Variants in THSD7B observed in about 807,000 individuals in gnomAD.
The protein encoded by THSD7B is thrombospondin type-1 domain-containing protein 7B.
Under a neutral mutation model 213.6 loss-of-function variants are expected in THSD7B, and 138 were observed. The observed-to-expected ratio is 0.65, with a 90% CI of 0.56 to 0.74. The LOEUF is 0.74. Ranked by LOEUF, THSD7B falls within the 30% of genes least tolerant of loss-of-function variation. The pLI, the probability that THSD7B is intolerant of heterozygous loss-of-function variation, is 0.00. For missense variants in THSD7B, 1,931 were observed against 1,991.5 expected (o/e 0.97, Z 0.58); for synonymous variants, 742 against 687.0 (o/e 1.08, Z -1.25).
At chr2:137,226,339 GT>G (rs961620601) in intron 7 of THSD7B, among the ~76,000 whole-genome samples, 1 of 150,996 alleles carries the variant, frequency 6.6e-6, no homozygotes, top group African/African-American at 2.4e-5. Flanking sequence ...GGTTGTCTAG[GT>G]TTTTTTTATT....
chr2:136,873,657 A>G (rs1558833957), intron 1 of THSD7B, among the ~76,000 whole-genome samples: 1 of 152,182 alleles, frequency 6.6e-6, no homozygotes, highest in Non-Finnish European at 1.5e-5. Flanking sequence ...ACTGTTCCTT[A>G]AATATTGCTG....
chr2:137,609,872 A>C (rs1682255936), intron 17 of THSD7B, among the ~76,000 whole-genome samples: 1 of 152,124 alleles, frequency 6.6e-6, no homozygotes, highest in South Asian at 2.1e-4. Flanking sequence ...GAGTGGCACA[A>C]ATGGTGAGAG....
chr2:137,348,128 G>T (rs918937485), intron 12 of THSD7B, among the ~76,000 whole-genome samples: 1 of 151,698 alleles, frequency 6.6e-6, no homozygotes, highest in Admixed American at 6.6e-5. Context: ...GCTCTAATGT[G>T]AAGAAAGATA....
intron 12 of THSD7B, among the ~76,000 whole-genome samples, chr2:137,277,961 T>G (rs546272194): frequency 1.3e-5 from 2 of 152,186 alleles, no homozygotes; most frequent in African/African-American, 4.8e-5. Flanking sequence ...CTTTTTCTTG[T>G]GGGAGCATGG....
At chr2:137,040,353 A>G (rs1040843869) in intron 2 of THSD7B, among the ~76,000 whole-genome samples, 6 of 151,228 alleles carry the variant, frequency 4.0e-5, no homozygotes, top group African/African-American at 9.7e-5. Context: ...AGAGGTAGCT[A>G]TATTTCTTTT....
chr2:137,172,861 C>T lies in THSD7B; in HGVS notation c.1723+1923C>T, dbSNP rs1481900031. 7.9e-5 allele frequency among the ~76,000 whole-genome samples: 12 copies of T among 152,046 alleles called. No individual in the cohort carries two copies. In the South Asian group the frequency reaches 2.3e-3, roughly 29 times the overall value. ...TAGAGTTGAGTTAAATTGCAGGATG[C>T]CCAGGTGGTGTTGGAGAATTGTGTG... On this transcript the variant is annotated intron_variant, in intron 7 of 27. Coordinates refer to ENST00000409968, the MANE Select transcript of THSD7B (RefSeq NM_001316349.2).
intron 1 of THSD7B, among the ~76,000 whole-genome samples, chr2:136,767,769 C>A (rs978956318): frequency 6.6e-6 from 1 of 152,206 alleles, no homozygotes; most frequent in Non-Finnish European, 1.5e-5. Context: ...CTTGGAGATA[C>A]GTGGTCCAGG....
At chr2:136,929,753 G>A (rs183513976) in intron 2 of THSD7B, among the ~76,000 whole-genome samples, 29 of 152,286 alleles carry the variant, frequency 1.9e-4, no homozygotes, top group Non-Finnish European at 1.0e-4. Context: ...GTGACTCAGA[G>A]CACCAGGTGT....
intron 15 of THSD7B, among the ~76,000 whole-genome samples, chr2:137,494,335 C>T (rs753376511): frequency 6.6e-6 from 1 of 151,826 alleles, no homozygotes; most frequent in Non-Finnish European, 1.5e-5. Flanking sequence ...CAGACTATAT[C>T]AACTAAAAAA....
intron 12 of THSD7B, among the ~76,000 whole-genome samples, chr2:137,346,352 G>A (rs1262319435): frequency 6.6e-6 from 1 of 151,528 alleles, no homozygotes; most frequent in African/African-American, 2.4e-5. Flanking sequence ...TATTGCCATG[G>A]GTTTATTTCC....
At chr2:137,045,327 C>T (rs1686950316) in intron 2 of THSD7B, among the ~76,000 whole-genome samples, 1 of 152,148 alleles carries the variant, frequency 6.6e-6, no homozygotes, top group Non-Finnish European at 1.5e-5. Context: ...GGATTACTTG[C>T]ACACAAGCAC....
chr2:136,926,763 A>G, intron 2 of THSD7B, among the ~76,000 whole-genome samples: 1 of 151,960 alleles, frequency 6.6e-6, no homozygotes, highest in East Asian at 1.9e-4. Flanking sequence ...TCTTTTGTCC[A>G]CTTTACTCAA....
chr2:137,384,832 A>G (rs1349117434), intron 12 of THSD7B, among the ~76,000 whole-genome samples: 1 of 152,086 alleles, frequency 6.6e-6, no homozygotes, highest in African/African-American at 2.4e-5. Flanking sequence ...GCTGGCTGGC[A>G]GGCTTAGCAG....
chr2:137,672,441 G>GACTC (rs1448193146), intron 27 of THSD7B, among the ~76,000 whole-genome samples: 1 of 152,068 alleles, frequency 6.6e-6, no homozygotes, highest in African/African-American at 2.4e-5. Context: ...AAACTCTTTA[G>GACTC]ACTCAACATA....
rs188974200 is a variant in THSD7B, at chr2:137,164,661, A to G, written c.1525+4293A>G. On this transcript the variant is annotated intron_variant, in intron 6 of 27. Transcript: ENST00000409968. ...TCCAACAATGATAGACTGGATTAAG[A>G]AAATGGGGCACATATACACCATAGA... is the stretch of plus-strand genomic sequence containing the variant. 8.7e-3 allele frequency among the ~76,000 whole-genome samples: 1,324 copies of G among 152,340 alleles called. 22 individuals are homozygous for G. Among genetic ancestry groups the G allele is most frequent in the African/African-American group, 0.03 (1,251 of 41,570 alleles).
At chr2:137,065,074 G>A (rs1318426484) in intron 3 of THSD7B, among the ~76,000 whole-genome samples, 1 of 151,770 alleles carries the variant, frequency 6.6e-6, no homozygotes, top group Non-Finnish European at 1.5e-5. Flanking sequence ...TATTTTCATA[G>A]GGATTGCACT....
At chr2:137,425,096 A>G (rs62165744) in intron 14 of THSD7B, among the ~76,000 whole-genome samples, 151 of 20,868 alleles carry the variant, frequency 7.2e-3, no homozygotes, top group South Asian at 0.024. Flanking sequence ...TAATAATAAT[A>G]ATGATAATAA....
intron 3 of THSD7B, among the ~76,000 whole-genome samples, chr2:137,064,045 T>C (rs550824657): frequency 2.0e-5 from 3 of 152,236 alleles, no homozygotes; most frequent in African/African-American, 7.2e-5. Flanking sequence ...GATTGCTAGA[T>C]AGTACGGTAG....
chr2:137,174,987 T>C (rs1366928172), intron 7 of THSD7B, among the ~76,000 whole-genome samples: 1 of 152,232 alleles, frequency 6.6e-6, no homozygotes, highest in Non-Finnish European at 1.5e-5. Context: ...CTCAAACATA[T>C]AACTGGTTCG....
Sources: allele counts gnomAD v4.1 joint callset (sites outside exome capture counted in the v4.1 genomes callset), GRCh38; gene constraint gnomAD v4.1.1; transcripts MANE v1.5; gene names NCBI Gene and HGNC (gene_info 2026-07-23, HGNC 2026-07-21).